Variants in BMAL2 observed in about 807,000 individuals in gnomAD.
The protein encoded by BMAL2 is basic helix-loop-helix ARNT like 2.
At chr12:27,345,527 T>A in the BMAL2 span, among the ~76,000 whole-genome samples, 14 of 152,198 alleles carry the variant, frequency 9.2e-5, no homozygotes, top group African/African-American at 3.4e-4. Flanking sequence ...GGTTCACTCT[T>A]GCCCAGGCTG....
the BMAL2 span, among the ~76,000 whole-genome samples, chr12:27,374,805 AACTT>A: frequency 6.6e-6 from 1 of 152,216 alleles, no homozygotes; most frequent in Non-Finnish European, 1.5e-5. Context: ...CACAGTCATT[AACTT>A]TACTCAACTC....
chr12:27,396,457 C>A, the BMAL2 span, among the ~76,000 whole-genome samples: 2 of 152,192 alleles, frequency 1.3e-5, no homozygotes, highest in African/African-American at 4.8e-5. Context: ...TTTCTAAAGT[C>A]ACATATAGAG....
At chr12:27,401,228 C>G in the BMAL2 span, 5 of 1,555,154 alleles carry the variant, frequency 3.2e-6, no homozygotes, top group Non-Finnish European at 3.5e-6. Context: ...CTCACCACTT[C>G]TGAAGTTTAT....
the BMAL2 span, among the ~76,000 whole-genome samples, chr12:27,335,982 TCTGTG>T: frequency 6.6e-6 from 1 of 152,234 alleles, no homozygotes; most frequent in Non-Finnish European, 1.5e-5. Context: ...AGCATGATGT[TCTGTG>T]CTGTGAACAT....
chr12:27,407,319 C>A, the BMAL2 span, among the ~76,000 whole-genome samples: 64 of 152,312 alleles, frequency 4.2e-4, no homozygotes, highest in South Asian at 0.012. Flanking sequence ...CACACCTAAT[C>A]CAAAATTGAC....
At chr12:27,390,963 C>T in the BMAL2 span, among the ~76,000 whole-genome samples, 1 of 152,158 alleles carries the variant, frequency 6.6e-6, no homozygotes, top group Admixed American at 6.5e-5. Flanking sequence ...TCTTTTTTGA[C>T]AAACACCTGA....
chr12:27,360,813 A>AAAC, the BMAL2 span, among the ~76,000 whole-genome samples: 1 of 148,932 alleles, frequency 6.7e-6, no homozygotes, highest in African/African-American at 2.4e-5. Flanking sequence ...CAAAAAAAAA[A>AAAC]AAAAAAAAAA....
At chr12:27,362,761 G>A in the BMAL2 span, among the ~76,000 whole-genome samples, 3 of 151,954 alleles carry the variant, frequency 2.0e-5, no homozygotes, top group South Asian at 2.1e-4. Context: ...AACATGCAAT[G>A]TGTTTTTGAC....
At chr12:27,411,461 A>G in the BMAL2 span, among the ~76,000 whole-genome samples, 94,730 of 151,538 alleles carry the variant, frequency 0.63, 30,139 homozygotes, top group Middle Eastern at 0.76. Context: ...AAAAAAAAAA[A>G]AGAGAGATTA....
At chr12:27,354,461 A>G in the BMAL2 span, among the ~76,000 whole-genome samples, 3 of 152,082 alleles carry the variant, frequency 2.0e-5, no homozygotes, top group Non-Finnish European at 2.9e-5. Flanking sequence ...AAAATTACCT[A>G]TTGGGCACTG....
At chr12:27,387,309 A>C in the BMAL2 span, 2 of 1,594,846 alleles carry the variant, frequency 1.3e-6, no homozygotes, top group Non-Finnish European at 1.7e-6. Flanking sequence ...CAAAATACTT[A>C]ATTATGATCA....
At chr12:27,402,547 A>T in the BMAL2 span, 1 of 1,237,868 alleles carries the variant, frequency 8.1e-7, no homozygotes, top group African/African-American at 1.5e-5. Context: ...AAATATACAG[A>T]TCTTAGTGTA....
At chr12:27,421,383 TA>T in the BMAL2 span, 5 of 152,112 alleles carry the variant, frequency 3.3e-5, no homozygotes, top group African/African-American at 1.2e-4. Context: ...CCGTTTCTAC[TA>T]AAAATACAAA....
chr12:27,335,144 A>C, the BMAL2 span, among the ~76,000 whole-genome samples: 9 of 152,208 alleles, frequency 5.9e-5, no homozygotes, highest in Admixed American at 5.9e-4. Flanking sequence ...GAAAACAAAA[A>C]CAGGCCTCTG....
At chr12:27,405,475 C>T in the BMAL2 span, among the ~76,000 whole-genome samples, 1 of 152,220 alleles carries the variant, frequency 6.6e-6, no homozygotes, top group Non-Finnish European at 1.5e-5. Context: ...GCTGCTGATA[C>T]CCAGGCAAAC....
the BMAL2 span, among the ~76,000 whole-genome samples, chr12:27,344,170 G>A: frequency 2.0e-4 from 30 of 152,304 alleles, no homozygotes; most frequent in East Asian, 4.6e-3. Context: ...GGCAGAACTA[G>A]GGCTTGAACC....
chr12:27,346,914 ATTGT>A, the BMAL2 span, among the ~76,000 whole-genome samples: 1 of 152,010 alleles, frequency 6.6e-6, no homozygotes, highest in Non-Finnish European at 1.5e-5. Context: ...TCTCACTCTA[ATTGT>A]TTGTTAAAGC....
the BMAL2 span, among the ~76,000 whole-genome samples, chr12:27,417,764 C>T: frequency 2.0e-5 from 3 of 152,138 alleles, no homozygotes; most frequent in East Asian, 1.9e-4. Flanking sequence ...GAGGCCGAGG[C>T]GGGCAGATCA....
chr12:27,368,402 G>T, the BMAL2 span: 1 of 1,614,104 alleles, frequency 6.2e-7, no homozygotes, highest in African/African-American at 1.3e-5. Context: ...AAGTGATTCA[G>T]ACCCATCCCA....
Sources: gnomAD v4.1 joint callset for allele counts (sites outside exome capture counted in the v4.1 genomes callset) on GRCh38, gnomAD v4.1.1 for gene constraint, MANE v1.5 for transcripts, NCBI Gene and HGNC (gene_info 2026-07-23, HGNC 2026-07-21) for gene names.